The following SLC5A11 variants were observed in gnomAD, a reference collection of about 807,000 sequenced individuals.
SLC5A11 encodes sodium/myo-inositol cotransporter 2.
A neutral mutation model predicts 69.8 loss-of-function variants in SLC5A11; 48 were observed. That is an observed-to-expected ratio of 0.69 (90% CI 0.55 to 0.87). The LOEUF is 0.87. Ranked by LOEUF, SLC5A11 falls within the 40% of genes least tolerant of loss-of-function variation. The probability of loss-of-function intolerance (pLI) is 0.00; values close to 1 mark genes in which losing one functional copy is unlikely to be tolerated. For missense variants in SLC5A11, 784 were observed against 866.1 expected (o/e 0.91, Z 1.19); for synonymous variants, 319 against 342.4 (o/e 0.93, Z 0.75).
chr16:24,897,606 A>G (rs748753294), intron 9 of SLC5A11, among the ~76,000 whole-genome samples: 1 of 152,200 alleles, frequency 6.6e-6, no homozygotes, highest in Non-Finnish European at 1.5e-5. Flanking sequence ...ATAAAGACAT[A>G]CTGAGACTGA....
intron 13 of SLC5A11, among the ~76,000 whole-genome samples, chr16:24,908,595 C>CAAAAA (rs764700253): frequency 1.4e-4 from 10 of 70,554 alleles, no homozygotes; most frequent in Admixed American, 3.8e-4. Flanking sequence ...GAGACTGTCT[C>CAAAAA]AAAAAAAAAA....
chr16:24,882,356 C>T (rs1011078), intron 7 of SLC5A11, among the ~76,000 whole-genome samples: 56,931 of 152,048 alleles, frequency 0.37, 12,179 homozygotes, highest in Non-Finnish European at 0.49. Flanking sequence ...TCACTGCATG[C>T]GTGAACGGCA....
At chr16:24,905,065 T>A (rs1396384473) in intron 10 of SLC5A11, among the ~76,000 whole-genome samples, 2 of 151,912 alleles carry the variant, frequency 1.3e-5, no homozygotes, top group Non-Finnish European at 2.9e-5. Context: ...CTGTGTTAGT[T>A]TGCTGGGAAT....
At chr16:24,856,016 A>AT (rs1363209071) in intron 1 of SLC5A11, among the ~76,000 whole-genome samples, 1 of 152,210 alleles carries the variant, frequency 6.6e-6, no homozygotes, top group Non-Finnish European at 1.5e-5. Flanking sequence ...CTGTCTGATC[A>AT]TACCACTTTC....
At chr16:24,877,493 T>C in intron 7 of SLC5A11, 130 bp downstream of exon 8, 2 of 626,172 alleles carry the variant, frequency 3.2e-6, no homozygotes, top group Non-Finnish European at 5.5e-6. Context: ...ACGTCACTCC[T>C]TTACCCTAGA....
chr16:24,894,222 C>T (rs2048999033), intron 9 of SLC5A11, among the ~76,000 whole-genome samples: 1 of 152,178 alleles, frequency 6.6e-6, no homozygotes, highest in African/African-American at 2.4e-5. Context: ...CTATTGGATG[C>T]TCTCAATTCT....
intron 7 of SLC5A11, among the ~76,000 whole-genome samples, chr16:24,879,724 A>G (rs1315331838): frequency 6.6e-6 from 1 of 152,232 alleles, no homozygotes; most frequent in Non-Finnish European, 1.5e-5. Context: ...CAGCCTGGGC[A>G]ACAGAGCAAG....
chr16:24,910,229 T>C, intron 14 of SLC5A11, 77 bp from the exon 16 acceptor site: 2 of 1,463,604 alleles, frequency 1.4e-6, no homozygotes, highest in Non-Finnish European at 1.9e-6. Flanking sequence ...TGGGGTTGGG[T>C]GGGGAGTGTG....
At chr16:24,896,402 G>A (rs1487034787) in intron 9 of SLC5A11, among the ~76,000 whole-genome samples, 1 of 151,864 alleles carries the variant, frequency 6.6e-6, no homozygotes, top group Admixed American at 6.6e-5. Flanking sequence ...GACTGAGGCA[G>A]GAGGATCATT....
intron 1 of SLC5A11, among the ~76,000 whole-genome samples, chr16:24,848,205 T>C (rs1326061305): frequency 6.6e-6 from 1 of 152,012 alleles, no homozygotes; most frequent in Non-Finnish European, 1.5e-5. Context: ...TGTGGTGGGG[T>C]TGGAAGCACA....
At chr16:24,891,203 C>T (rs568891778) in intron 9 of SLC5A11, 129 bp downstream of exon 10, 1 of 813,938 alleles carries the variant, frequency 1.2e-6, no homozygotes, top group African/African-American at 1.7e-5. Context: ...TTGACTACTT[C>T]CTCCTTTCCA....
intron 1 of SLC5A11, among the ~76,000 whole-genome samples, chr16:24,850,543 G>T (rs569115955): frequency 4.6e-5 from 7 of 152,312 alleles, no homozygotes; most frequent in African/African-American, 1.7e-4. Context: ...TCCAGCCTGG[G>T]TGATGAGACC....
intron 8 of SLC5A11, among the ~76,000 whole-genome samples, chr16:24,885,618 G>A (rs1263357802): frequency 7.5e-6 from 1 of 133,208 alleles, no homozygotes; most frequent in Non-Finnish European, 1.5e-5. Flanking sequence ...ACTGCACTCC[G>A]GCCTGGTCTC....
intron 12 of SLC5A11, among the ~76,000 whole-genome samples, 154 bp downstream of exon 13, chr16:24,907,329 C>T (rs2050144946): frequency 6.6e-6 from 1 of 152,148 alleles, no homozygotes; most frequent in Non-Finnish European, 1.5e-5. Context: ...GCTGAACGAG[C>T]ACCTACTGTG....
chr16:24,882,033 C>A (rs1441533329), intron 7 of SLC5A11, among the ~76,000 whole-genome samples: 1 of 152,246 alleles, frequency 6.6e-6, no homozygotes, highest in South Asian at 2.1e-4. Context: ...CTAGCAGAAG[C>A]AATGTGCCTG....
chr16:24,884,631 TG>T (rs2048283202), intron 8 of SLC5A11, among the ~76,000 whole-genome samples: 1 of 112,790 alleles, frequency 8.9e-6, no homozygotes, highest in Non-Finnish European at 2.0e-5. Context: ...CACCTGGCAC[TG>T]TTTTTTTTTT....
At chr16:24,910,843 G>C (rs1444255183) in intron 15 of SLC5A11, among the ~76,000 whole-genome samples, 2 of 152,044 alleles carry the variant, frequency 1.3e-5, no homozygotes, top group African/African-American at 4.8e-5. Context: ...CCCACCTACA[G>C]TTTCAACAAA....
Position 24,906,786 on chromosome 16 carries a change from A to T in SLC5A11, c.1114+22A>T, listed in dbSNP as rs13334049. 13,923 of 1,591,126 alleles carry T rather than the reference A, an allele frequency of 8.8e-3. 1,086 individuals carry two copies. The African/African-American group carries it at 0.16, about 19-fold the overall frequency. ...ACAGGTAATGTCCCTTCACTCCTGAATCAAGTCCCCTGGAGCACCCAGAAA... is the reference window on the plus strand; with the variant it reads ...ACAGGTAATGTCCCTTCACTCCTGATTCAAGTCCCCTGGAGCACCCAGAAA... On this transcript the variant is annotated intron_variant, in intron 11 of 15. Coordinates refer to ENST00000347898, the Ensembl canonical transcript of SLC5A11.
chr16:24,864,345 G>A (rs1470434349), intron 3 of SLC5A11, among the ~76,000 whole-genome samples: 7 of 152,190 alleles, frequency 4.6e-5, no homozygotes, highest in Non-Finnish European at 8.8e-5. Flanking sequence ...TTAAGAAAAT[G>A]TCTTTTCAGT....
Sources: gnomAD v4.1 joint callset for allele counts (sites outside exome capture counted in the v4.1 genomes callset) on GRCh38, gnomAD v4.1.1 for gene constraint, MANE v1.5 for transcripts, NCBI Gene and HGNC (gene_info 2026-07-23, HGNC 2026-07-21) for gene names.